XIAP: variants seen among roughly 807,000 people sequenced by gnomAD.
The protein encoded by XIAP is X-linked inhibitor of apoptosis.
Under a neutral mutation model 33.1 loss-of-function variants are expected in XIAP, and 3 were observed. That is an observed-to-expected ratio of 0.09 (90% CI 0.04 to 0.23). The LOEUF is 0.23. XIAP is among the 10% of genes least tolerant of loss of function. The pLI is 1.00. For missense variants in XIAP, 264 were observed against 363.0 expected (o/e 0.73, Z 2.22); for synonymous variants, 98 against 121.3 (o/e 0.81, Z 1.26).
chrX:123,888,473 G>T, intron 2 of XIAP, 146 bp from the exon 3 acceptor site: 1 of 535,790 alleles, frequency 1.9e-6, no homozygotes, highest in Non-Finnish European at 3.3e-6. Context: ...AATCATATCT[G>T]TTACTTAGAT....
At chrX:123,866,653 A>T (rs2053141751) in intron 1 of XIAP, among the ~76,000 whole-genome samples, 1 of 103,620 alleles carries the variant, frequency 9.7e-6, no homozygotes, top group Non-Finnish European at 1.9e-5. Flanking sequence ...TATATAACAC[A>T]ATATAATATG....
chrX:123,868,367 G>C (rs995604621), intron 1 of XIAP, among the ~76,000 whole-genome samples: 1 of 110,884 alleles, frequency 9.0e-6, no homozygotes, highest in Non-Finnish European at 1.9e-5. Context: ...TGATTCCAAC[G>C]ATTCAAAACC....
Position 123,911,783 on chromosome X carries a change from T to C in XIAP, c.*4602T>C. 3.0e-6 allele frequency: 1 copy of C among 329,724 alleles called. No individual in the cohort carries two copies. The highest frequency in any genetic ancestry group is 5.9e-6 in the Non-Finnish European group (1 of 170,068). The allele number at this position is 329,724 out of a possible 1,213,427, so 27.2% of individuals were successfully genotyped here. Reference sequence around the variant, plus strand: ...TTTCTAAGAGAAGCAATTGGCTTTTTCCCACTTCAATAATCATTTTCAGTT... The same window carrying C: ...TTTCTAAGAGAAGCAATTGGCTTTTCCCCACTTCAATAATCATTTTCAGTT... On this transcript the variant is annotated 3_prime_UTR_variant, in exon 7 of 7. Transcript: ENST00000371199.
chrX:123,867,050 T>A (rs371724105), intron 1 of XIAP, among the ~76,000 whole-genome samples: 7 of 32,555 alleles, frequency 2.2e-4, no homozygotes, highest in African/African-American at 9.9e-4. Context: ...CCCCCCCCCC[T>A]TCAACATTCT....
Position 123,909,513 on chromosome X carries a change from G to A in XIAP, c.*2332G>A, listed in dbSNP as rs991904223. On this transcript the variant is annotated 3_prime_UTR_variant, in exon 7 of 7. Coordinates refer to ENST00000371199, the MANE Select transcript of XIAP (RefSeq NM_001167.4). The stretch of plus-strand genomic sequence containing the variant: ...TTTAAATTTAAAGTTTTCTACAAGG[G>A]GAGAAAAGTGTTAAAATTTTTAAAA... 1.2e-4 allele frequency: 39 copies of A among 325,005 alleles called. No homozygotes were observed. The highest frequency in any genetic ancestry group is 1.0e-3 in the African/African-American group (39 of 37,265). 26.8% of individuals were successfully genotyped at this position (325,005 alleles called of 1,213,427 possible).
chrX:123,886,168 C>T lies in XIAP; in HGVS notation c.506C>T (p.Ser169Phe). 8.3e-7 allele frequency: 1 copy of T among 1,211,724 alleles called. No individual in the cohort carries two copies. Among genetic ancestry groups the T allele is most frequent in the Non-Finnish European group, 1.1e-6 (1 of 895,562 alleles). The change falls in exon 2 of 7, where the codon TCC becomes TTC. Residue 169 changes from serine to phenylalanine, a missense_variant. Transcript: ENST00000371199. ...AMYSEEARLK[S>F]FQNWPDYAHL... The stretch of plus-strand genomic sequence containing the variant: ...TATAGTGAAGAAGCTAGATTAAAGT[C>T]CTTTCAGAACTGGCCAGACTATGCT...
intron 1 of XIAP, among the ~76,000 whole-genome samples, chrX:123,870,605 G>A (rs2053185028): frequency 1.8e-5 from 2 of 111,390 alleles, no homozygotes; most frequent in Admixed American, 1.9e-4. Flanking sequence ...GGGCAATATA[G>A]TGAGACCTTG....
At chrX:123,904,429 G>A (rs775330908) in intron 6 of XIAP, among the ~76,000 whole-genome samples, 7 of 110,463 alleles carry the variant, frequency 6.3e-5, no homozygotes, top group African/African-American at 2.3e-4. Flanking sequence ...CCTTGAGTAC[G>A]TTTTCTCTAT....
chrX:123,891,726 C>T (rs186942756), intron 4 of XIAP, among the ~76,000 whole-genome samples: 1 of 104,504 alleles, frequency 9.6e-6, no homozygotes, highest in East Asian at 3.1e-4. Context: ...GCGGCTGAGG[C>T]GGGAGGATCG....
intron 4 of XIAP, among the ~76,000 whole-genome samples, chrX:123,891,997 G>C (rs2053412803): frequency 9.0e-6 from 1 of 111,318 alleles, no homozygotes; most frequent in Non-Finnish European, 1.9e-5. Flanking sequence ...TTAGATCTTT[G>C]TATAATGTGC....
At chrX:123,866,046 T>C (rs1300740791) in intron 1 of XIAP, among the ~76,000 whole-genome samples, 1 of 110,706 alleles carries the variant, frequency 9.0e-6, no homozygotes, top group Non-Finnish European at 1.9e-5. Flanking sequence ...GTTCAGGCAA[T>C]TCTCCTGCCT....
Position 123,886,413 on chromosome X carries a change from C to T in XIAP, c.751C>T (p.Pro251Ser). Residue 251 changes from proline to serine, a missense_variant, in exon 2 of 7, where the codon CCA (proline) becomes TCA (serine). By Grantham distance (74) the Pro-to-Ser change is moderately conservative. Coordinates refer to ENST00000371199, the MANE Select transcript of XIAP (RefSeq NM_001167.4). ...SDAVSSDRNF[P>S]NSTNLPRNPS... ...TGCTGTGAGTTCTGATAGGAATTTC[C>T]CAAATTCAACAAATCTTCCAAGAAA... 1 of 1,211,446 alleles carries T rather than the reference C, an allele frequency of 8.3e-7. No individual in the cohort carries two copies. The highest frequency in any genetic ancestry group is 1.1e-6 in the Non-Finnish European group (1 of 895,542).
In XIAP at chrX:123,912,968, G is replaced by A. The variant is rs2053619062; in HGVS notation, c.*5787G>A. ...GCTAATTTTTGTATTTTTTAGTAGT[G>A]ACTGGTTTCGCGGTGTTGACCAGGC... On this transcript the variant is annotated 3_prime_UTR_variant, in exon 7 of 7. Coordinates refer to ENST00000371199, the MANE Select transcript of XIAP (RefSeq NM_001167.4). The A allele has an allele frequency of 7.2e-6, 2 of 277,463 alleles. No individual in the cohort carries two copies. The highest frequency in any genetic ancestry group is 1.4e-5 in the Non-Finnish European group (2 of 144,545). 22.9% of individuals were successfully genotyped at this position (277,463 alleles called of 1,213,427 possible).
At chrX:123,875,425 C>G (rs2053235520) in intron 1 of XIAP, among the ~76,000 whole-genome samples, 1 of 111,874 alleles carries the variant, frequency 8.9e-6, no homozygotes, top group African/African-American at 3.2e-5. Flanking sequence ...ACATATATTG[C>G]CAGATTACCT....
At chrX:123,892,239 C>T (rs977781605) in intron 4 of XIAP, among the ~76,000 whole-genome samples, 5 of 110,207 alleles carry the variant, frequency 4.5e-5, no homozygotes, top group African/African-American at 6.6e-5. Flanking sequence ...TAATGGCGGG[C>T]GCCTGTAATC....
At chrX:123,866,715 T>C (rs1024845958) in intron 1 of XIAP, among the ~76,000 whole-genome samples, 2 of 106,369 alleles carry the variant, frequency 1.9e-5, no homozygotes, top group South Asian at 7.7e-4. Flanking sequence ...AGTCTAGCTC[T>C]GTCACCCAGG....
chrX:123,900,384 C>T lies in XIAP; in HGVS notation c.1100-109C>T, dbSNP rs760025776. 92 of 706,481 alleles carry T rather than the reference C, an allele frequency of 1.3e-4. 2 individuals carry two copies. Among genetic ancestry groups the T allele is most frequent in the Non-Finnish European group, 1.9e-4 (88 of 473,958 alleles). The allele number at this position is 706,481 out of a possible 1,213,427, so 58.2% of individuals were successfully genotyped here. On this transcript the variant is annotated intron_variant, in intron 5 of 6. Transcript: ENST00000371199. The stretch of plus-strand genomic sequence containing the variant: ...CTTTGCTGGTTTGTTTTTATTCTTT[C>T]GCTTGCTCCTTAATTTTTTCATTTT...
chrX:123,880,057 T>C (rs2053284252), intron 1 of XIAP, among the ~76,000 whole-genome samples: 1 of 110,128 alleles, frequency 9.1e-6, no homozygotes. Context: ...GAGGTTGCAG[T>C]GAGCCGAGAT....
chrX:123,905,116 C>G, intron 6 of XIAP, among the ~76,000 whole-genome samples: 1 of 111,709 alleles, frequency 9.0e-6, no homozygotes, highest in Non-Finnish European at 1.9e-5. Context: ...TCCTCTACCC[C>G]CTAGCCAGAG....
Sources: allele counts gnomAD v4.1 joint callset (sites outside exome capture counted in the v4.1 genomes callset), GRCh38; gene constraint gnomAD v4.1.1; transcripts MANE v1.5; gene names NCBI Gene and HGNC (gene_info 2026-07-23, HGNC 2026-07-21).